Variants in NELL2 observed in about 807,000 individuals in gnomAD.
NELL2 encodes protein kinase C-binding protein NELL2.
NELL2 carries 41 observed loss-of-function variants against 109.6 expected under a neutral mutation model. The observed-to-expected ratio is 0.37, with a 90% CI of 0.29 to 0.49. The LOEUF (loss-of-function observed/expected upper bound fraction) is 0.49. NELL2 is among the 20% of genes least tolerant of loss of function. The pLI, the probability that NELL2 is intolerant of heterozygous loss-of-function variation, is 0.98. For missense variants in NELL2, 900 were observed against 1,008.3 expected, an observed-to-expected ratio of 0.89 and a Z score of 1.45; for synonymous variants, 355 against 344.7, an observed-to-expected ratio of 1.03 and a Z score of -0.33.
chr12:44,898,626 T>C (rs1054551796), intron 1 of NELL2, among the ~76,000 whole-genome samples: 2 of 152,060 alleles, frequency 1.3e-5, no homozygotes, highest in Admixed American at 6.5e-5. Context: ...AGACCAAAGG[T>C]AGACGAATCC....
chr12:44,860,220 G>C (rs1436719115), intron 2 of NELL2, among the ~76,000 whole-genome samples: 2 of 152,148 alleles, frequency 1.3e-5, no homozygotes, highest in Non-Finnish European at 2.9e-5. Context: ...TGACTAATAT[G>C]ACATGGTAAC....
chr12:44,744,507 C>G (rs1338346433), intron 9 of NELL2, among the ~76,000 whole-genome samples: 2 of 151,988 alleles, frequency 1.3e-5, no homozygotes, highest in African/African-American at 2.4e-5. Flanking sequence ...TTAATGAATC[C>G]AGGAGCTGGT....
intron 1 of NELL2, among the ~76,000 whole-genome samples, chr12:44,899,201 T>C (rs1240077161): frequency 6.6e-6 from 1 of 152,064 alleles, no homozygotes; most frequent in Non-Finnish European, 1.5e-5. Context: ...CAGGATATTA[T>C]CCAGGAGAAC....
intron 9 of NELL2, among the ~76,000 whole-genome samples, chr12:44,733,569 A>C (rs1330359248): frequency 6.6e-6 from 1 of 152,002 alleles, no homozygotes; most frequent in East Asian, 1.9e-4. Context: ...GAAGAAAATA[A>C]GGAGTTTCTA....
At position 44,558,530 on chromosome 12, in the gene NELL2, C is replaced by A. The variant is rs111396359; in HGVS notation, c.1664-25809G>T. Among the ~76,000 whole-genome samples, 24 of 152,038 alleles carry A rather than the reference C, an allele frequency of 1.6e-4. 1 individual carries two copies. Among genetic ancestry groups the A allele is most frequent in the Non-Finnish European group, 2.2e-4 (15 of 68,014 alleles). On this transcript the variant is annotated intron_variant, in intron 15 of 19. Transcript: ENST00000429094. ...AGGGCGAGCCAAAGCCAGGGCTGGT[C>A]GGCGGGAGGGGGTGCGTCACCTCAT...
intron 9 of NELL2, among the ~76,000 whole-genome samples, chr12:44,718,283 T>C (rs1938592504): frequency 6.6e-6 from 1 of 152,098 alleles, no homozygotes; most frequent in African/African-American, 2.4e-5. Flanking sequence ...ATAACAATAA[T>C]CGCTGGCTAC....
chr12:44,735,483 T>C (rs1337839967), intron 9 of NELL2, among the ~76,000 whole-genome samples: 5 of 152,228 alleles, frequency 3.3e-5, no homozygotes, highest in African/African-American at 4.8e-5. Flanking sequence ...ACATCTTGTT[T>C]ACTCCTAACT....
chr12:44,631,315 T>G (rs1173277404), intron 13 of NELL2, among the ~76,000 whole-genome samples: 1 of 150,966 alleles, frequency 6.6e-6, no homozygotes, highest in Non-Finnish European at 1.5e-5. Flanking sequence ...CCACATGTTA[T>G]GGGGAAAACA....
chr12:44,731,280 C>A (rs1431603247), intron 9 of NELL2, among the ~76,000 whole-genome samples: 1 of 152,002 alleles, frequency 6.6e-6, no homozygotes, highest in East Asian at 1.9e-4. Context: ...GAAAGCCAGA[C>A]AAAGCACTGC....
intron 2 of NELL2, among the ~76,000 whole-genome samples, chr12:44,840,569 G>A (rs1030241850): frequency 8.6e-5 from 13 of 151,834 alleles, no homozygotes; most frequent in African/African-American, 2.4e-4. Flanking sequence ...CCCGGGAGGC[G>A]GAGCTTGCAG....
At position 44,867,608 on chromosome 12, in the gene NELL2, T is replaced by C. The variant is rs561525013; in HGVS notation, c.184+7617A>G. 2.0e-5 allele frequency among the ~76,000 whole-genome samples: 3 copies of C among 152,298 alleles called. No homozygotes were observed. In the South Asian group the frequency reaches 6.2e-4, roughly 32 times the overall value. The stretch of plus-strand genomic sequence containing the variant: ...ATCTTGCCACTTCTATTCAACATAG[T>C]ACTGTAAGTCCTAGACTTGCAATTA... On this transcript the variant is annotated intron_variant, in intron 2 of 19. Coordinates refer to ENST00000429094, the MANE Select transcript of NELL2 (RefSeq NM_001145108.2).
intron 15 of NELL2, among the ~76,000 whole-genome samples, chr12:44,570,912 T>G (rs1482763997): frequency 6.6e-6 from 1 of 150,834 alleles, no homozygotes; most frequent in African/African-American, 2.5e-5. Context: ...TGTATGGTAC[T>G]GCTTTCTTGC....
chr12:44,783,970 T>C (rs370659547), intron 3 of NELL2, among the ~76,000 whole-genome samples: 2 of 152,072 alleles, frequency 1.3e-5, no homozygotes, highest in Non-Finnish European at 2.9e-5. Context: ...AACAATGATA[T>C]ACCATAATCA....
At chr12:44,741,145 A>G (rs1051848822) in intron 9 of NELL2, among the ~76,000 whole-genome samples, 2 of 152,206 alleles carry the variant, frequency 1.3e-5, no homozygotes, top group African/African-American at 4.8e-5. Flanking sequence ...TGTGATGACA[A>G]TGAGAAAGGA....
chr12:44,706,409 A>G (rs1937880699), intron 11 of NELL2, among the ~76,000 whole-genome samples: 1 of 152,192 alleles, frequency 6.6e-6, no homozygotes, highest in South Asian at 2.1e-4. Flanking sequence ...CTTTAAACAA[A>G]TCAGAGTATG....
intron 2 of NELL2, among the ~76,000 whole-genome samples, chr12:44,818,524 C>G (rs1943429396): frequency 6.6e-6 from 1 of 152,046 alleles, no homozygotes; most frequent in Non-Finnish European, 1.5e-5. Context: ...AGAGCTCTTA[C>G]AGCAAGAGAA....
intron 1 of NELL2, among the ~76,000 whole-genome samples, chr12:44,882,405 T>C (rs1390428333): frequency 6.8e-6 from 1 of 147,170 alleles, no homozygotes; most frequent in Non-Finnish European, 1.5e-5. Flanking sequence ...CATATACACA[T>C]ATGTATATAT....
At chr12:44,689,610 C>T (rs1948837912) in intron 12 of NELL2, among the ~76,000 whole-genome samples, 1 of 152,210 alleles carries the variant, frequency 6.6e-6, no homozygotes, top group Non-Finnish European at 1.5e-5. Context: ...ACAATAGATA[C>T]TTGGGGTGGC....
intron 2 of NELL2, among the ~76,000 whole-genome samples, chr12:44,865,216 T>C (rs1282737810): frequency 1.7e-5 from 2 of 115,172 alleles, no homozygotes; most frequent in Non-Finnish European, 3.6e-5. Flanking sequence ...TTGATGGGGT[T>C]GTTTGTTTTT....
Sources: allele counts gnomAD v4.1 joint callset (sites outside exome capture counted in the v4.1 genomes callset), GRCh38; gene constraint gnomAD v4.1.1; transcripts MANE v1.5; gene names NCBI Gene and HGNC (gene_info 2026-07-23, HGNC 2026-07-21).